The following C6orf118 variants were observed in gnomAD, a reference collection of about 807,000 sequenced individuals.
C6orf118 encodes the protein uncharacterized protein C6orf118.
A neutral mutation model predicts 50.2 loss-of-function variants in C6orf118; 50 were observed. That is an observed-to-expected ratio of 1.00 (90% CI 0.79 to 1.26). C6orf118 has a LOEUF of 1.26. Among genes scored for constraint, C6orf118 ranks in the 50% most tolerant of loss-of-function variants. C6orf118 has a pLI of 0.00. For missense variants in C6orf118, 641 were observed against 578.7 expected (o/e 1.11, Z -1.10); for synonymous variants, 239 against 230.9 (o/e 1.03, Z -0.32).
At chr6:165,294,765 C>T (rs866611918) in intron 5 of C6orf118, among the ~76,000 whole-genome samples, 11 of 151,996 alleles carry the variant, frequency 7.2e-5, no homozygotes, top group Admixed American at 2.6e-4. Context: ...TGCCTGTGGT[C>T]CCAGCTACTT....
At chr6:165,291,798 A>G (rs79793198) in intron 6 of C6orf118, among the ~76,000 whole-genome samples, 3,567 of 152,316 alleles carry the variant, frequency 0.023, 136 homozygotes, top group African/African-American at 0.081. Flanking sequence ...TTTGTCATCA[A>G]TCAACACAGT....
intron 8 of C6orf118, chr6:165,281,432 G>T: frequency 1.7e-6 from 2 of 1,144,010 alleles, no homozygotes; most frequent in Non-Finnish European, 2.3e-6. Context: ...CTGATCTTGA[G>T]AACAGCATGA....
intron 8 of C6orf118, chr6:165,281,373 G>T: frequency 2.5e-6 from 1 of 395,852 alleles, no homozygotes; most frequent in Non-Finnish European, 3.9e-6. Context: ...AAGCATTCAT[G>T]AGTGTGAACC....
intron 2 of C6orf118, 92 bp downstream of exon 2, chr6:165,301,477 G>A: frequency 6.7e-7 from 1 of 1,489,402 alleles, no homozygotes; most frequent in Non-Finnish European, 9.0e-7. Flanking sequence ...GCCCCGAGAG[G>A]TTTGCCCCAG....
intron 8 of C6orf118, among the ~76,000 whole-genome samples, chr6:165,281,295 A>G (rs1018064980): frequency 1.6e-4 from 25 of 152,328 alleles, no homozygotes; most frequent in African/African-American, 5.8e-4. Flanking sequence ...AAGTGTACAG[A>G]TTGAGGTCTA....
At position 165,281,622 on chromosome 6, in the gene C6orf118, T is replaced by C; in HGVS notation, c.1356+18A>G. The C allele has an allele frequency of 6.7e-7, 1 of 1,493,158 alleles. No homozygotes were observed. Among genetic ancestry groups the C allele is most frequent in the African/African-American group, 1.4e-5 (1 of 70,060 alleles). 92.5% of individuals were successfully genotyped at this position (1,493,158 alleles called of 1,614,324 possible). On this transcript the variant is annotated intron_variant, in intron 8 of 8. Transcript: ENST00000230301. ...AAATATTTTTATTGATAAACATTGA[T>C]TCACACAAAAAACTTACTTTTATTT...
chr6:165,286,038 T>A (rs1032026787), intron 7 of C6orf118, among the ~76,000 whole-genome samples: 1 of 151,278 alleles, frequency 6.6e-6, no homozygotes, highest in Non-Finnish European at 1.5e-5. Context: ...CTAGCTAGAT[T>A]AATAAAGAAG....
intron 5 of C6orf118, among the ~76,000 whole-genome samples, chr6:165,296,105 CACAA>C (rs1361070371): frequency 5.3e-5 from 8 of 152,166 alleles, no homozygotes; most frequent in Non-Finnish European, 1.0e-4. Flanking sequence ...CACTTGCTCT[CACAA>C]ACAAAGCTTT....
intron 7 of C6orf118, among the ~76,000 whole-genome samples, chr6:165,286,154 A>G (rs1779896575): frequency 6.6e-6 from 1 of 152,210 alleles, no homozygotes; most frequent in South Asian, 2.1e-4. Context: ...AAACACCTCT[A>G]TGCAAATAAA....
At chr6:165,307,975 G>A (rs1237212829) in intron 1 of C6orf118, among the ~76,000 whole-genome samples, 6 of 152,188 alleles carry the variant, frequency 3.9e-5, no homozygotes. Flanking sequence ...CTGAACCCAC[G>A]GATAAACATC....
rs1349657148 is a variant in C6orf118, at chr6:165,281,693, G to A, written c.1303C>T (p.His435Tyr). ...ITENRIKSIE[H>Y]EAIQLETENM... ...TCTGTTTCCAATTGTATAGCTTCAT[G>A]CTGGAAGAGAAGTTGTTTTAAACAC... Residue 435 changes from histidine to tyrosine, a missense_variant and splice_region_variant, in exon 8 of 9, where the codon CAT (histidine) becomes TAT (tyrosine). Transcript: ENST00000230301. 6.8e-7 allele frequency: 1 copy of A among 1,480,510 alleles called. No homozygotes were observed. Among genetic ancestry groups the A allele is most frequent in the Non-Finnish European group, 9.0e-7 (1 of 1,106,600 alleles). 91.7% of individuals were successfully genotyped at this position (1,480,510 alleles called of 1,614,324 possible). A position where few individuals can be genotyped will look rare whatever the true frequency, so the allele number is the denominator to read the frequency against.
rs2128162181 is a variant in C6orf118 at position 165,299,292 on chromosome 6, TA to T, written c.936+150del. The T allele has an allele frequency of 5.0e-6, 3 of 600,058 alleles. No homozygotes were observed. In the East Asian group the frequency reaches 8.3e-5, roughly 17 times the overall value. 37.2% of individuals were successfully genotyped at this position (600,058 alleles called of 1,614,324 possible). On this transcript the variant is annotated intron_variant, in intron 4 of 8. Transcript: ENST00000230301. ...TATCAATAATGTTATTAAGGCAGTA[TA>T]AAACTCATCTATAACAAAGAACATA...
chr6:165,281,859 T>G (rs1343852569), intron 7 of C6orf118, 166 bp from the exon 8 acceptor site: 1 of 385,850 alleles, frequency 2.6e-6, no homozygotes, highest in Non-Finnish European at 4.7e-6. Flanking sequence ...GAAGGACAAT[T>G]AATGAGAAGG....
intron 2 of C6orf118, among the ~76,000 whole-genome samples, chr6:165,301,169 T>C (rs1170676311): frequency 6.6e-6 from 1 of 151,954 alleles, no homozygotes; most frequent in Non-Finnish European, 1.5e-5. Context: ...GTGCTAATGC[T>C]CTCGGCACCT....
intron 5 of C6orf118, among the ~76,000 whole-genome samples, chr6:165,297,278 G>A (rs1328084681): frequency 1.2e-4 from 18 of 151,700 alleles, no homozygotes; most frequent in Admixed American, 3.9e-4. Context: ...AAAATTAGCC[G>A]GGCGTGGTGG....
intron 5 of C6orf118, among the ~76,000 whole-genome samples, chr6:165,294,650 C>A (rs1780229317): frequency 6.6e-6 from 1 of 152,074 alleles, no homozygotes; most frequent in African/African-American, 2.4e-5. Flanking sequence ...CTTTGAATGG[C>A]CAAAGCAGGT....
chr6:165,281,438 C>T, intron 8 of C6orf118: 1 of 1,194,750 alleles, frequency 8.4e-7, no homozygotes, highest in Non-Finnish European at 1.1e-6. Context: ...TTGAGAACAG[C>T]ATGATACTGC....
intron 7 of C6orf118, among the ~76,000 whole-genome samples, chr6:165,284,504 C>A (rs1028817939): frequency 6.6e-6 from 1 of 151,974 alleles, no homozygotes; most frequent in African/African-American, 2.4e-5. Flanking sequence ...AGAAGATTAA[C>A]CCCAATATAC....
intron 7 of C6orf118, among the ~76,000 whole-genome samples, chr6:165,289,535 G>T (rs1192868006): frequency 6.6e-6 from 1 of 152,032 alleles, no homozygotes; most frequent in African/African-American, 2.4e-5. Flanking sequence ...CCCAAATAGT[G>T]TACGGTGTAC....
Sources: gnomAD v4.1 joint callset for allele counts (sites outside exome capture counted in the v4.1 genomes callset) on GRCh38, gnomAD v4.1.1 for gene constraint, MANE v1.5 for transcripts, NCBI Gene and HGNC (gene_info 2026-07-23, HGNC 2026-07-21) for gene names.